The following SMG6 variants were observed in gnomAD, a reference collection of about 807,000 sequenced individuals.
SMG6 encodes SMG6 nonsense mediated mRNA decay factor, also known as telomerase-binding protein EST1A.
Under a neutral mutation model 142.2 loss-of-function variants are expected in SMG6, and 66 were observed. The ratio of observed to expected loss-of-function variants is 0.46; its 90% CI spans 0.38 to 0.57. The LOEUF (loss-of-function observed/expected upper bound fraction) is 0.57, where lower values mean the gene tolerates loss of function less well. SMG6 is among the 20% of genes least tolerant of loss of function. SMG6 has a pLI of 0.00. For missense variants in SMG6, 1,793 were observed against 1,832.0 expected (o/e 0.98, Z 0.39); for synonymous variants, 779 against 702.4 (o/e 1.11, Z -1.72).
intron 4 of SMG6, among the ~76,000 whole-genome samples, chr17:2,296,574 G>A (rs564447513): frequency 2.6e-5 from 4 of 152,312 alleles, no homozygotes; most frequent in South Asian, 4.1e-4. Flanking sequence ...TCACAGGTGC[G>A]CAAACCCTAT....
At chr17:2,072,044 T>C (rs952953714) in intron 15 of SMG6, 5 of 151,946 alleles carry the variant, frequency 3.3e-5, no homozygotes, top group African/African-American at 1.2e-4. Flanking sequence ...GTGATGTCGG[T>C]GGGGAGAGTG....
intron 13 of SMG6, chr17:2,086,936 C>T: frequency 3.4e-6 from 4 of 1,170,922 alleles, no homozygotes; most frequent in Non-Finnish European, 4.4e-6. Flanking sequence ...ACGTCCGTGG[C>T]CAGACGTGCC....
intron 13 of SMG6, among the ~76,000 whole-genome samples, chr17:2,168,027 C>G (rs1438006546): frequency 6.6e-6 from 1 of 152,052 alleles, no homozygotes; most frequent in African/African-American, 2.4e-5. Context: ...GCCACCACAC[C>G]TGGCTGTTTT....
intron 13 of SMG6, chr17:2,087,733 G>GCAT: frequency 1.0e-6 from 1 of 986,702 alleles, no homozygotes; most frequent in Non-Finnish European, 1.2e-6. Flanking sequence ...GGGCTAAAAG[G>GCAT]CATTAAAGAA....
intron 13 of SMG6, among the ~76,000 whole-genome samples, chr17:2,172,003 T>A (rs2071518167): frequency 6.6e-6 from 1 of 152,104 alleles, no homozygotes; most frequent in Non-Finnish European, 1.5e-5. Flanking sequence ...CCCCTACTCT[T>A]TACCTGGCTG....
chr17:2,184,882 T>G (rs1281234878), intron 12 of SMG6, among the ~76,000 whole-genome samples: 2 of 137,474 alleles, frequency 1.5e-5, no homozygotes, highest in African/African-American at 5.5e-5. Context: ...GGAGAATAGC[T>G]TGAACTCAGG....
chr17:2,125,925 C>A (rs1036893444), intron 13 of SMG6, among the ~76,000 whole-genome samples: 1 of 138,562 alleles, frequency 7.2e-6, no homozygotes, highest in Admixed American at 7.8e-5. Flanking sequence ...TGCACTCCAG[C>A]CTGGGAGATG....
intron 13 of SMG6, among the ~76,000 whole-genome samples, chr17:2,166,649 G>A (rs1255596678): frequency 1.3e-5 from 2 of 152,110 alleles, no homozygotes; most frequent in African/African-American, 4.8e-5. Flanking sequence ...TGTAGGGACA[G>A]GTTTTTGCCA....
intron 10 of SMG6, among the ~76,000 whole-genome samples, chr17:2,224,937 G>T (rs1454371078): frequency 6.6e-6 from 1 of 152,150 alleles, no homozygotes; most frequent in Admixed American, 6.5e-5. Context: ...ATCAACAACA[G>T]TGAAAGCCCA....
At chr17:2,156,667 T>A (rs8064309) in intron 13 of SMG6, among the ~76,000 whole-genome samples, 1 of 151,780 alleles carries the variant, frequency 6.6e-6, no homozygotes, top group Non-Finnish European at 1.5e-5. Context: ...TGCTTGTTTG[T>A]TTTTTGAGAC....
chr17:2,279,287 G>A (rs2074729889), intron 8 of SMG6, among the ~76,000 whole-genome samples: 1 of 152,202 alleles, frequency 6.6e-6, no homozygotes, highest in Non-Finnish European at 1.5e-5. Context: ...ATCCTTCAAG[G>A]AAGAAGCCAG....
At chr17:2,181,718 G>A (rs1222924465) in intron 12 of SMG6, among the ~76,000 whole-genome samples, 2 of 152,360 alleles carry the variant, frequency 1.3e-5, no homozygotes, top group East Asian at 3.9e-4. Flanking sequence ...AGCCGGGGAT[G>A]GCTGTAGCTT....
chr17:2,063,400 C>T (rs2067841964), intron 18 of SMG6, among the ~76,000 whole-genome samples: 1 of 152,240 alleles, frequency 6.6e-6, no homozygotes, highest in Non-Finnish European at 1.5e-5. Flanking sequence ...AGAATTCACA[C>T]TGACAAATGG....
chr17:2,078,644 T>C (rs573799773), intron 15 of SMG6, among the ~76,000 whole-genome samples: 1 of 152,202 alleles, frequency 6.6e-6, no homozygotes, highest in East Asian at 1.9e-4. Flanking sequence ...AGTGCTGGGA[T>C]TACAGGCATA....
chr17:2,223,787 C>T (rs1286810193), intron 10 of SMG6, among the ~76,000 whole-genome samples: 1 of 152,138 alleles, frequency 6.6e-6, no homozygotes, highest in Non-Finnish European at 1.5e-5. Flanking sequence ...CCCAATGACA[C>T]CATTTGCCAT....
intron 13 of SMG6, among the ~76,000 whole-genome samples, chr17:2,119,410 T>G (rs1597415758): frequency 6.6e-6 from 1 of 152,054 alleles, no homozygotes; most frequent in African/African-American, 2.4e-5. Flanking sequence ...GCCAGGCTGG[T>G]CTCGAACTCT....
At chr17:2,189,736 A>T (rs2072101459) in intron 10 of SMG6, among the ~76,000 whole-genome samples, 1 of 152,168 alleles carries the variant, frequency 6.6e-6, no homozygotes, top group Admixed American at 6.5e-5. Context: ...TCTTTGCCCC[A>T]GGAGCAAGTA....
chr17:2,268,702 G>A (rs948140717), intron 8 of SMG6, among the ~76,000 whole-genome samples: 1 of 152,160 alleles, frequency 6.6e-6, no homozygotes, highest in Admixed American at 6.5e-5. Flanking sequence ...ACAAGGTAAG[G>A]AGATCGAGAC....
At chr17:2,243,272 T>A (rs1852064244) in intron 9 of SMG6, among the ~76,000 whole-genome samples, 1 of 152,242 alleles carries the variant, frequency 6.6e-6, no homozygotes, top group Non-Finnish European at 1.5e-5. Flanking sequence ...AAGCACACTT[T>A]CTAGTCCACC....
Sources: allele counts gnomAD v4.1 joint callset (sites outside exome capture counted in the v4.1 genomes callset), GRCh38; gene constraint gnomAD v4.1.1; transcripts MANE v1.5; gene names NCBI Gene and HGNC (gene_info 2026-07-23, HGNC 2026-07-21).